Variants in GRIP2 observed in about 807,000 individuals in gnomAD.
GRIP2 encodes glutamate receptor-interacting protein 2.
In GRIP2, 58 loss-of-function variants were observed where a neutral mutation model predicts 108.3. The observed-to-expected ratio is 0.54, with a 90% CI of 0.43 to 0.67. The LOEUF is 0.67. Among genes scored for constraint, GRIP2 ranks in the 30% least tolerant of loss-of-function variants. GRIP2 has a pLI of 0.00. For synonymous variants in GRIP2, 586 were observed against 598.2 expected (o/e 0.98, Z 0.30); for missense variants, 1,278 against 1,430.6 (o/e 0.89, Z 1.72).
the GRIP2 span, among the ~76,000 whole-genome samples, chr3:14,600,594 G>A: frequency 1.9e-4 from 29 of 152,248 alleles, no homozygotes; most frequent in African/African-American, 4.8e-4. Flanking sequence ...GATGCCAGGT[G>A]GATGGCCCTG....
upstream of GRIP2, among the ~76,000 whole-genome samples, chr3:14,545,569 G>C (rs1033661670): frequency 2.0e-5 from 3 of 152,232 alleles, no homozygotes; most frequent in Non-Finnish European, 4.4e-5. Context: ...TGGGCTCCAT[G>C]CTTCCCTTGA....
chr3:14,572,137 C>A, the GRIP2 span, among the ~76,000 whole-genome samples: 1 of 152,168 alleles, frequency 6.6e-6, no homozygotes, highest in Non-Finnish European at 1.5e-5. Context: ...GTACCGGAGG[C>A]ATGTTTAGGC....
chr3:14,505,761 C>A lies in GRIP2; in HGVS notation c.2427G>T (p.Arg809=), dbSNP rs776686930. The A allele has an allele frequency of 6.4e-7, 1 of 1,568,420 alleles. No individual in the cohort carries two copies. The highest frequency in any genetic ancestry group is 8.6e-7 in the Non-Finnish European group (1 of 1,157,084). The change falls in exon 20 of 24, where the codon CGG becomes CGT. Residue 809 remains arginine, a synonymous_variant. Coordinates refer to ENST00000621039, the MANE Select transcript of GRIP2 (RefSeq NM_001080423.4). The surrounding 1 kb of genome is among the most constrained non-coding windows in gnomAD (Gnocchi z 4.2). ...GCCTCCGCTCCTGGGGGGTCGTGCC[C>A]CGGGCTGCTGCCTGTGGTGTATAGG... The part of the protein sequence containing the change: ...PGSYTPQAAA[R]GTTPQERRPG...
chr3:14,535,479 G>A (rs1694812854), intron 1 of GRIP2, among the ~76,000 whole-genome samples: 1 of 152,156 alleles, frequency 6.6e-6, no homozygotes, highest in Non-Finnish European at 1.5e-5. Context: ...GGTTTTCCTA[G>A]ATCAATCATG....
chr3:14,534,388 G>A (rs1231645379), intron 1 of GRIP2, among the ~76,000 whole-genome samples: 4 of 152,170 alleles, frequency 2.6e-5, no homozygotes, highest in African/African-American at 9.7e-5. Flanking sequence ...CAGAGAACAT[G>A]CTTGCTCTCT....
chr3:14,510,429 T>C (rs1304474137), intron 16 of GRIP2, among the ~76,000 whole-genome samples: 4 of 151,944 alleles, frequency 2.6e-5, no homozygotes, highest in Non-Finnish European at 5.9e-5. Flanking sequence ...CAGACCCAGC[T>C]AATTTTTGTA....
the GRIP2 span, chr3:14,573,605 G>A: frequency 1.4e-6 from 2 of 1,477,218 alleles, no homozygotes; most frequent in African/African-American, 1.4e-5. Flanking sequence ...CACACTCGCC[G>A]TTGGTGCCAA....
chr3:14,509,990 G>A, intron 16 of GRIP2, 26 bp from the exon 17 acceptor site: 1 of 1,430,366 alleles, frequency 7.0e-7, no homozygotes, highest in Non-Finnish European at 9.2e-7. Context: ...CCCATGAGGA[G>A]GAGGCCCCCG....
the GRIP2 span, chr3:14,573,047 G>C: frequency 2.9e-6 from 4 of 1,382,732 alleles, no homozygotes; most frequent in African/African-American, 1.4e-5. Context: ...TGCTGAAGCT[G>C]ATGTAGCGCT....
the GRIP2 span, among the ~76,000 whole-genome samples, chr3:14,581,113 C>T: frequency 2.0e-5 from 3 of 152,144 alleles, no homozygotes; most frequent in African/African-American, 7.2e-5. Flanking sequence ...GATGGATGGG[C>T]GGATGGGTGG....
chr3:14,552,085 G>T (rs1695159710), intron 1 of GRIP2, among the ~76,000 whole-genome samples: 1 of 152,142 alleles, frequency 6.6e-6, no homozygotes, highest in Non-Finnish European at 1.5e-5. Context: ...AAAATTATCT[G>T]GTCTCCGAGC....
At chr3:14,562,624 A>G in the GRIP2 span, among the ~76,000 whole-genome samples, 1 of 152,256 alleles carries the variant, frequency 6.6e-6, no homozygotes, top group African/African-American at 2.4e-5. Context: ...ACAGCAGATA[A>G]GTGCTGAAGA....
chr3:14,539,905 A>G (rs1299893760), intron 1 of GRIP2, among the ~76,000 whole-genome samples: 1 of 152,032 alleles, frequency 6.6e-6, no homozygotes, highest in African/African-American at 2.4e-5. Flanking sequence ...TGGGTCGGAC[A>G]CTCACTCCCA....
In GRIP2 at chr3:14,511,505, G is replaced by C; in HGVS notation, c.1721-26C>G. On this transcript the variant is annotated intron_variant, in intron 14 of 23. Transcript: ENST00000621039. This position sits in a 1 kb window ranked among gnomAD's most constrained non-coding sequence, Gnocchi z 4.1. Reference sequence around the variant, plus strand: ...CTGGAGAAAAAGAGGCCATGAATCTGACCTTGGTGGCCTCAGCCTGGGGTG... The same window carrying C: ...CTGGAGAAAAAGAGGCCATGAATCTCACCTTGGTGGCCTCAGCCTGGGGTG... The C allele has an allele frequency of 1.2e-6, 2 of 1,610,568 alleles. No individual in the cohort carries two copies. The highest frequency in any genetic ancestry group is 1.1e-5 in the South Asian group (1 of 90,774).
chr3:14,507,766 C>T lies in GRIP2; in HGVS notation c.2079-66G>A. The T allele has an allele frequency of 1.3e-6, 2 of 1,563,664 alleles. No homozygotes were observed. Among genetic ancestry groups the T allele is most frequent in the Non-Finnish European group, 1.8e-6 (2 of 1,139,868 alleles). On this transcript the variant is annotated intron_variant, in intron 17 of 23. Transcript: ENST00000621039. This position sits in a 1 kb window ranked among gnomAD's most constrained non-coding sequence, Gnocchi z 4.6. Reference sequence around the variant, plus strand: ...TCAGGGCCTCAGAGTGGCAGTCTGCCCTCAGGGAATCCAGGAGAGCCACAA... The same window carrying T: ...TCAGGGCCTCAGAGTGGCAGTCTGCTCTCAGGGAATCCAGGAGAGCCACAA...
In GRIP2 at chr3:14,522,887, AG is replaced by A; in HGVS notation, c.566+112del. On this transcript the variant is annotated intron_variant, in intron 6 of 23. Transcript: ENST00000621039. The surrounding 1 kb of genome is among the most constrained non-coding windows in gnomAD (Gnocchi z 4.3). Reference sequence around the variant, plus strand: ...GACACCGGGCAGGGAGTGTTCCCTCAGGGCCTCGATCTCTTCATCTGGGGAA... The same window carrying A: ...GACACCGGGCAGGGAGTGTTCCCTCAGGCCTCGATCTCTTCATCTGGGGAA... 1 of 860,654 alleles carries A rather than the reference AG, an allele frequency of 1.2e-6. No homozygotes were observed. Among genetic ancestry groups the A allele is most frequent in the Non-Finnish European group, 2.0e-6 (1 of 506,846 alleles). 53.3% of individuals were successfully genotyped at this position (860,654 alleles called of 1,614,324 possible). A position where few individuals can be genotyped will look rare whatever the true frequency, so the allele number is the denominator to read the frequency against.
At chr3:14,573,671 C>T in the GRIP2 span, 1 of 1,488,834 alleles carries the variant, frequency 6.7e-7, no homozygotes, top group African/African-American at 1.4e-5. Context: ...TGGTGTGGTT[C>T]CCGGGGTTGT....
chr3:14,551,698 G>A (rs572008317), intron 1 of GRIP2, among the ~76,000 whole-genome samples: 1 of 152,278 alleles, frequency 6.6e-6, no homozygotes, highest in South Asian at 2.1e-4. Flanking sequence ...ACAACCGAGG[G>A]GTCCCTTGGA....
upstream of GRIP2, among the ~76,000 whole-genome samples, chr3:14,541,720 G>T (rs1228934508): frequency 2.6e-5 from 4 of 152,224 alleles, no homozygotes; most frequent in Non-Finnish European, 5.9e-5. Context: ...TGGGGGAAGG[G>T]TCCAGGTGCC....
Sources: allele counts gnomAD v4.1 joint callset (sites outside exome capture counted in the v4.1 genomes callset), GRCh38; gene constraint gnomAD v4.1.1; non-coding constraint Gnocchi (gnomAD v3.1); transcripts MANE v1.5; gene names NCBI Gene and HGNC (gene_info 2026-07-23, HGNC 2026-07-21).